CAPN14: variants seen among roughly 807,000 people sequenced by gnomAD.
CAPN14 encodes the protein calpain 14, also known as calpain-14.
In CAPN14, 94 loss-of-function variants were observed where a neutral mutation model predicts 101.3. The ratio of observed to expected loss-of-function variants is 0.93; its 90% CI spans 0.79 to 1.10. The LOEUF is 1.10. Among genes scored for constraint, CAPN14 ranks in the 50% least tolerant of loss-of-function variants. The pLI is 0.00. For synonymous variants in CAPN14, 338 were observed against 317.9 expected (o/e 1.06, Z -0.67); for missense variants, 837 against 828.4 (o/e 1.01, Z -0.13).
At chr2:31,177,940 T>A (rs904645953) in intron 18 of CAPN14, 119 bp from the exon 19 acceptor site, 1 of 714,198 alleles carries the variant, frequency 1.4e-6, no homozygotes, top group South Asian at 1.6e-5. Flanking sequence ...AGGCTCCACA[T>A]GCAGGGCCTG....
intron 16 of CAPN14, among the ~76,000 whole-genome samples, chr2:31,181,404 TTCTTTCTTTCTTTC>T (rs1558612348): frequency 6.1e-5 from 7 of 115,584 alleles, no homozygotes; most frequent in African/African-American, 2.2e-4. Flanking sequence ...CTTTTTTTCT[TTCTTTCTTTCTTTC>T]TTTCTTTCTT....
In CAPN14 at chr2:31,181,965, T is replaced by C. The variant is rs1366437890; in HGVS notation, c.1646-965A>G. Among the ~76,000 whole-genome samples the C allele has an allele frequency of 7.2e-5, 11 of 152,074 alleles. No individual in the cohort carries two copies. In the East Asian group the frequency reaches 2.1e-3, roughly 29 times the overall value. Reference sequence around the variant, plus strand: ...GGTTCTAAGTCTTTGCTATTGTGAATAGTGCCGCAATAAACATACATGTGC... The same window carrying C: ...GGTTCTAAGTCTTTGCTATTGTGAACAGTGCCGCAATAAACATACATGTGC... On this transcript the variant is annotated intron_variant, in intron 16 of 21. Transcript: ENST00000403897.
intron 1 of CAPN14, among the ~76,000 whole-genome samples, chr2:31,231,798 C>T (rs77993817): frequency 0.012 from 1,900 of 152,298 alleles, 15 homozygotes; most frequent in Non-Finnish European, 0.018. Context: ...AAGGTCCAGA[C>T]GCCACTGTAT....
chr2:31,205,121 G>A (rs1192215433), intron 2 of CAPN14, 102 bp downstream of exon 2: 2 of 970,984 alleles, frequency 2.1e-6, no homozygotes, highest in Admixed American at 2.1e-5. Flanking sequence ...AGAGGAGAGA[G>A]TAGGAAAAAG....
intron 16 of CAPN14, among the ~76,000 whole-genome samples, chr2:31,184,622 G>A (rs918515454): frequency 6.6e-6 from 1 of 152,162 alleles, no homozygotes; most frequent in Admixed American, 6.5e-5. Flanking sequence ...GGAGTTTTGT[G>A]GTCAAAGAAA....
At chr2:31,206,132 A>G (rs1398820566) in intron 1 of CAPN14, among the ~76,000 whole-genome samples, 3 of 150,078 alleles carry the variant, frequency 2.0e-5, no homozygotes, top group Non-Finnish European at 3.0e-5. Context: ...TTCCAGGTTC[A>G]AGCAATTCTC....
At chr2:31,214,960 T>C (rs1226848429) in intron 1 of CAPN14, among the ~76,000 whole-genome samples, 10 of 126,808 alleles carry the variant, frequency 7.9e-5, no homozygotes, top group African/African-American at 1.4e-4. Flanking sequence ...GGCCTGACTG[T>C]TGGGGGAGCC....
chr2:31,208,447 A>T (rs1682218839), intron 1 of CAPN14, among the ~76,000 whole-genome samples: 1 of 152,136 alleles, frequency 6.6e-6, no homozygotes, highest in Non-Finnish European at 1.5e-5. Flanking sequence ...TCATACCTGG[A>T]TTCCTCTTCA....
chr2:31,218,306 G>A (rs1682744400), upstream of CAPN14, among the ~76,000 whole-genome samples: 1 of 140,838 alleles, frequency 7.1e-6, no homozygotes, highest in South Asian at 2.3e-4. Flanking sequence ...AGCTTAGTTG[G>A]TTCCAGCTTG....
chr2:31,219,195 G>A (rs901809831), upstream of CAPN14, among the ~76,000 whole-genome samples: 2 of 150,104 alleles, frequency 1.3e-5, no homozygotes, highest in African/African-American at 4.9e-5. Context: ...CGGATTCACA[G>A]AGCCACCGAG....
chr2:31,220,693 G>T (rs1399315786), upstream of CAPN14, among the ~76,000 whole-genome samples: 1 of 152,222 alleles, frequency 6.6e-6, no homozygotes, highest in African/African-American at 2.4e-5. Context: ...GCTGGGTGTG[G>T]TGGCACACAT....
chr2:31,189,269 T>C lies in CAPN14; in HGVS notation c.1493+4A>G. ...ACCCTCTAGGAGAGACCTTGTGTCC[T>C]TACTAAAAGATGTGCTTCCTGGAGA... On this transcript the variant is annotated splice_donor_region_variant and intron_variant, in intron 13 of 21. Coordinates refer to ENST00000403897, the MANE Select transcript of CAPN14 (RefSeq NM_001145122.2). 1 of 1,550,712 alleles carries C rather than the reference T, an allele frequency of 6.4e-7. No individual in the cohort carries two copies. Among genetic ancestry groups the C allele is most frequent in the Non-Finnish European group, 8.7e-7 (1 of 1,146,934 alleles).
intron 9 of CAPN14, 130 bp from the exon 10 acceptor site, chr2:31,193,424 G>T: frequency 1.1e-6 from 1 of 885,532 alleles, no homozygotes; most frequent in Non-Finnish European, 1.7e-6. Context: ...CAGCTCTTGT[G>T]CAGAGCTGAG....
Position 31,173,549 on chromosome 2 carries a change from T to C in CAPN14, c.*1132A>G, listed in dbSNP as rs1010402436. The C allele has an allele frequency of 6.6e-6, 1 of 152,228 alleles. No homozygotes were observed. Among genetic ancestry groups the C allele is most frequent in the Non-Finnish European group, 1.5e-5 (1 of 68,038 alleles). 9.4% of individuals were successfully genotyped at this position (152,228 alleles called of 1,614,324 possible). A position where few individuals can be genotyped will look rare whatever the true frequency, so the allele number is the denominator to read the frequency against. ...ACCAGAAGTGTTTCAGATTTCAGGA[T>C]ATCTGCATTATAGACTTGTCAGTTG... is the stretch of plus-strand genomic sequence containing the variant. On this transcript the variant is annotated 3_prime_UTR_variant, in exon 22 of 22. Transcript: ENST00000403897.
intron 2 of CAPN14, among the ~76,000 whole-genome samples, chr2:31,223,592 A>C (rs1263343494): frequency 1.4e-5 from 2 of 146,308 alleles, no homozygotes; most frequent in African/African-American, 5.2e-5. Context: ...GCAGTGGGAC[A>C]ATCTCGGCTC....
intron 1 of CAPN14, among the ~76,000 whole-genome samples, chr2:31,233,312 GAC>G (rs1683254045): frequency 6.6e-6 from 1 of 152,090 alleles, no homozygotes; most frequent in Non-Finnish European, 1.5e-5. Context: ...CTCTGCCTTG[GAC>G]ACACCAAGTT....
rs1358558469 is a variant in CAPN14, at chr2:31,189,523, G to A, written c.1288-45C>T. 6.0e-6 allele frequency: 9 copies of A among 1,494,428 alleles called. No homozygotes were observed. In the East Asian group the frequency reaches 2.2e-4, roughly 37 times the overall value. The allele number at this position is 1,494,428 out of a possible 1,614,324, so 92.6% of individuals were successfully genotyped here. A position where few individuals can be genotyped will look rare whatever the true frequency, so the allele number is the denominator to read the frequency against. The stretch of plus-strand genomic sequence containing the variant: ...GAACAGCAAGGGAGGTGATGACCCA[G>A]GGCTGTGGCCAGGCCTGAGGCCCTC... On this transcript the variant is annotated intron_variant, in intron 12 of 21. Transcript: ENST00000403897.
chr2:31,178,429 G>C (rs1418415853), intron 18 of CAPN14, 82 bp downstream of exon 18: 2 of 1,075,258 alleles, frequency 1.9e-6, no homozygotes, highest in Middle Eastern at 2.0e-4. Flanking sequence ...GGCTGAAGGG[G>C]ACAGAAGTAT....
At chr2:31,184,221 G>T (rs534243659) in intron 16 of CAPN14, among the ~76,000 whole-genome samples, 53 of 152,284 alleles carry the variant, frequency 3.5e-4, no homozygotes, top group African/African-American at 1.1e-3. Context: ...TCAGTTACAG[G>T]TGCTCACTTT....
Sources: gnomAD v4.1 joint callset for allele counts (sites outside exome capture counted in the v4.1 genomes callset) on GRCh38, gnomAD v4.1.1 for gene constraint, MANE v1.5 for transcripts, NCBI Gene and HGNC (gene_info 2026-07-23, HGNC 2026-07-21) for gene names.